TAMM41: variants seen among roughly 807,000 people sequenced by gnomAD.
TAMM41 encodes TAM41 mitochondrial translocator assembly and maintenance homolog, also known as phosphatidate cytidylyltransferase, mitochondrial.
In TAMM41, 36 loss-of-function variants were observed where a neutral mutation model predicts 44.1. That is an observed-to-expected ratio of 0.82 (90% CI 0.63 to 1.08). The LOEUF is 1.08. TAMM41 is among the 50% of genes least tolerant of loss of function. TAMM41 has a pLI of 0.00. For missense variants in TAMM41, 417 were observed against 404.3 expected, an observed-to-expected ratio of 1.03 and a Z score of -0.27; for synonymous variants, 164 against 153.1, an observed-to-expected ratio of 1.07 and a Z score of -0.53.
intron 4 of TAMM41, among the ~76,000 whole-genome samples, chr3:11,821,297 A>G (rs548348183): frequency 3.3e-5 from 5 of 152,232 alleles, no homozygotes; most frequent in Non-Finnish European, 5.9e-5. Context: ...ATGTAGAATC[A>G]GTGGGAGTCC....
intron 4 of TAMM41, among the ~76,000 whole-genome samples, chr3:11,824,954 G>A (rs1208458008): frequency 6.6e-6 from 1 of 152,156 alleles, no homozygotes; most frequent in East Asian, 1.9e-4. Context: ...CCAGAACTGA[G>A]GCCCACTGGG....
chr3:11,764,682 C>T, the TAMM41 span, among the ~76,000 whole-genome samples: 3 of 151,500 alleles, frequency 2.0e-5, no homozygotes, highest in South Asian at 4.2e-4. Flanking sequence ...TTAGTAGAGA[C>T]GGGGTTTCAC....
the TAMM41 span, among the ~76,000 whole-genome samples, chr3:11,753,921 T>G: frequency 6.6e-6 from 1 of 152,130 alleles, no homozygotes; most frequent in Non-Finnish European, 1.5e-5. Flanking sequence ...CAGATCCCAC[T>G]GAGTGCTTCA....
rs754328488 is a variant in TAMM41 at position 11,829,834 on chromosome 3, T to C, written c.442A>G (p.Thr148Ala). Reference protein sequence around the residue: ...VKIISVNEDVTLRSALDRNLK... With the variant: ...VKIISVNEDVALRSALDRNLK... ...TTTCTATCGAGGGCTGATCTAAGAG[T>C]GACATCCTCGTTCACTGAGATAATT... Residue 148 changes from threonine to alanine, a missense_variant, in exon 4 of 8, where the codon ACT becomes GCT. Coordinates refer to ENST00000455809, the MANE Select transcript of TAMM41 (RefSeq NM_001284401.2). 6.2e-7 allele frequency: 1 copy of C among 1,614,040 alleles called. No individual in the cohort carries two copies. The highest frequency in any genetic ancestry group is 8.5e-7 in the Non-Finnish European group (1 of 1,179,960).
At chr3:11,813,271 A>G (rs990024612) in intron 5 of TAMM41, among the ~76,000 whole-genome samples, 9 of 152,064 alleles carry the variant, frequency 5.9e-5, no homozygotes, top group African/African-American at 2.2e-4. Flanking sequence ...GGCTCACACC[A>G]GTAATCCCAG....
At chr3:11,769,866 A>G in the TAMM41 span, among the ~76,000 whole-genome samples, 159 of 152,320 alleles carry the variant, frequency 1.0e-3, 1 homozygote, top group East Asian at 0.022. Flanking sequence ...CGCATTTCCT[A>G]CAAAGCAGGC....
chr3:11,769,511 C>CT, the TAMM41 span, among the ~76,000 whole-genome samples: 2 of 152,124 alleles, frequency 1.3e-5, no homozygotes, highest in African/African-American at 4.8e-5. Context: ...TTTGTTACAA[C>CT]TTCTCAACTC....
downstream of TAMM41, among the ~76,000 whole-genome samples, chr3:11,788,687 G>A (rs2077431375): frequency 6.6e-6 from 1 of 152,210 alleles, no homozygotes; most frequent in Non-Finnish European, 1.5e-5. Flanking sequence ...TGTAATCCCA[G>A]CACTTTGGGA....
At chr3:11,789,828 G>A (rs1046895099), downstream of TAMM41, among the ~76,000 whole-genome samples, 4 of 152,216 alleles carry the variant, frequency 2.6e-5, no homozygotes, top group African/African-American at 9.6e-5. Flanking sequence ...AGCAAAGCCA[G>A]CCTCAGCACG....
At chr3:11,758,072 C>T in the TAMM41 span, among the ~76,000 whole-genome samples, 1 of 152,088 alleles carries the variant, frequency 6.6e-6, no homozygotes, top group Non-Finnish European at 1.5e-5. Flanking sequence ...CTAAGCTGAG[C>T]CAGCAGGTTA....
the TAMM41 span, among the ~76,000 whole-genome samples, chr3:11,767,626 A>ATCTTTTTTTTTTTTTT: frequency 1.6e-5 from 1 of 60,692 alleles, no homozygotes; most frequent in African/African-American, 7.5e-5. Context: ...CACGTTGTGC[A>ATCTTTTTTTTTTTTTT]TTTTTTTTTT....
At chr3:11,757,297 T>C in the TAMM41 span, among the ~76,000 whole-genome samples, 1 of 152,046 alleles carries the variant, frequency 6.6e-6, no homozygotes, top group Non-Finnish European at 1.5e-5. Context: ...ATGTTGAAAG[T>C]TGAGTGAGGG....
the TAMM41 span, among the ~76,000 whole-genome samples, chr3:11,767,813 TG>T: frequency 6.6e-6 from 1 of 150,780 alleles, no homozygotes; most frequent in Admixed American, 6.6e-5. Flanking sequence ...TTAGTAGAGA[TG>T]GGGTTTCACC....
chr3:11,846,394 G>T (rs2079692287), intron 1 of TAMM41, 108 bp downstream of exon 1: 1 of 1,287,758 alleles, frequency 7.8e-7, no homozygotes, highest in Non-Finnish European at 1.1e-6. Context: ...TAGTGGACAC[G>T]TGGAGTGTGC....
chr3:11,743,335 C>CT, the TAMM41 span, among the ~76,000 whole-genome samples: 32,984 of 140,854 alleles, frequency 0.23, 4,170 homozygotes, highest in African/African-American at 0.34. Context: ...CTAATAATCT[C>CT]TTTTTTTTTT....
intron 3 of TAMM41, among the ~76,000 whole-genome samples, chr3:11,830,312 C>T (rs1344224959): frequency 6.6e-6 from 1 of 151,948 alleles, no homozygotes; most frequent in Admixed American, 6.6e-5. Flanking sequence ...CTAGATACAT[C>T]GATTTTGAAC....
intron 5 of TAMM41, chr3:11,810,034 C>A (rs186577540): frequency 1.7e-4 from 33 of 190,148 alleles, no homozygotes; most frequent in African/African-American, 7.4e-4. Flanking sequence ...GTGGAGGCCG[C>A]GTCAAATCCA....
chr3:11,778,199 A>G, the TAMM41 span, among the ~76,000 whole-genome samples: 1 of 151,786 alleles, frequency 6.6e-6, no homozygotes, highest in Non-Finnish European at 1.5e-5. Flanking sequence ...TGGGAGTAGA[A>G]TTTCTCGGTT....
chr3:11,837,484 CT>C (rs1057138048), intron 3 of TAMM41, among the ~76,000 whole-genome samples: 4 of 148,630 alleles, frequency 2.7e-5, no homozygotes, highest in African/African-American at 9.9e-5. Flanking sequence ...TTTTTTTTTC[CT>C]GTTTTGTGTT....
Sources: gnomAD v4.1 joint callset for allele counts (sites outside exome capture counted in the v4.1 genomes callset) on GRCh38, gnomAD v4.1.1 for gene constraint, MANE v1.5 for transcripts, NCBI Gene and HGNC (gene_info 2026-07-23, HGNC 2026-07-21) for gene names.